Variants in MINDY4 observed in about 807,000 individuals in gnomAD.
MINDY4 encodes probable ubiquitin carboxyl-terminal hydrolase MINDY-4.
In MINDY4, 68 loss-of-function variants were observed where a neutral mutation model predicts 87.0. The observed-to-expected ratio is 0.78, with a 90% confidence interval of 0.64 to 0.96. The LOEUF (loss-of-function observed/expected upper bound fraction) is 0.96, where lower values mean the gene tolerates loss of function less well. Ranked by LOEUF, MINDY4 falls within the 40% of genes least tolerant of loss-of-function variation. The pLI, the probability that MINDY4 is intolerant of heterozygous loss-of-function variation, is 0.00. For missense variants in MINDY4, 919 were observed against 928.2 expected (o/e 0.99, Z 0.13); for synonymous variants, 379 against 363.2 (o/e 1.04, Z -0.50).
intron 5 of MINDY4, among the ~76,000 whole-genome samples, chr7:30,809,782 C>T (rs1000508930): frequency 3.7e-5 from 5 of 135,286 alleles, no homozygotes; most frequent in Non-Finnish European, 7.8e-5. Context: ...TTATCATCTT[C>T]GAAAAAAAAA....
chr7:30,809,398 G>C (rs113422257), intron 5 of MINDY4, among the ~76,000 whole-genome samples: 46 of 142,922 alleles, frequency 3.2e-4, no homozygotes, highest in African/African-American at 1.1e-3. Flanking sequence ...AAAAAAAAAG[G>C]ATGATTTAAT....
At chr7:30,834,255 C>T (rs1393345738) in intron 6 of MINDY4, among the ~76,000 whole-genome samples, 1 of 152,258 alleles carries the variant, frequency 6.6e-6, no homozygotes, top group African/African-American at 2.4e-5. Flanking sequence ...CCTCTGAAAT[C>T]TAGGCGGAGG....
chr7:30,773,884 C>T (rs1453739016), intron 1 of MINDY4, among the ~76,000 whole-genome samples: 2 of 152,196 alleles, frequency 1.3e-5, no homozygotes, highest in Non-Finnish European at 2.9e-5. Flanking sequence ...AACCCACCTA[C>T]CTCTCACCCA....
chr7:30,852,305 G>A (rs767342789), intron 11 of MINDY4, 26 bp downstream of exon 11: 36 of 1,613,574 alleles, frequency 2.2e-5, no homozygotes, highest in Admixed American at 1.7e-4. Flanking sequence ...AAATTATCAC[G>A]CAAACTTTGG....
intron 5 of MINDY4, among the ~76,000 whole-genome samples, chr7:30,804,133 G>C (rs1295490328): frequency 6.6e-6 from 1 of 151,748 alleles, no homozygotes; most frequent in Non-Finnish European, 1.5e-5. Context: ...GATGGCCCCT[G>C]ATGCTGAGTT....
chr7:30,820,230 T>C (rs1384701306), intron 5 of MINDY4, among the ~76,000 whole-genome samples: 1 of 152,194 alleles, frequency 6.6e-6, no homozygotes, highest in African/African-American at 2.4e-5. Context: ...ATTCAATCTG[T>C]GTCTCTTTTA....
chr7:30,804,272 C>G (rs1184851060), intron 5 of MINDY4, among the ~76,000 whole-genome samples: 1 of 152,226 alleles, frequency 6.6e-6, no homozygotes, highest in Non-Finnish European at 1.5e-5. Flanking sequence ...TCTACTCATT[C>G]CACAAGAAGT....
In MINDY4 at chr7:30,882,381, C is replaced by G. The variant is rs368368484; in HGVS notation, c.2152+20C>G. On this transcript the variant is annotated intron_variant, in intron 16 of 17. Coordinates refer to ENST00000265299, the MANE Select transcript of MINDY4 (RefSeq NM_032222.3). ...CCATTGGTGCGGGCCCTCACCCCCC[C>G]ACCCACCCAACCCTGTCCCCAAGGA... 8.1e-6 allele frequency: 12 copies of G among 1,479,616 alleles called. No homozygotes were observed. In the East Asian group the frequency reaches 1.8e-4, roughly 22 times the overall value. 91.7% of individuals were successfully genotyped at this position (1,479,616 alleles called of 1,614,324 possible).
chr7:30,834,156 C>G (rs1271278034), intron 6 of MINDY4, among the ~76,000 whole-genome samples: 1 of 152,268 alleles, frequency 6.6e-6, no homozygotes, highest in East Asian at 1.9e-4. Flanking sequence ...CCCCACATTT[C>G]CTTTCTGCAC....
intron 5 of MINDY4, among the ~76,000 whole-genome samples, chr7:30,821,694 T>C (rs1182380502): frequency 2.0e-5 from 3 of 152,224 alleles, no homozygotes; most frequent in African/African-American, 7.2e-5. Flanking sequence ...TTCTTTTATA[T>C]GTATGTTGGA....
intron 5 of MINDY4, among the ~76,000 whole-genome samples, chr7:30,813,361 T>C (rs1263818961): frequency 6.6e-6 from 1 of 152,198 alleles, no homozygotes; most frequent in Non-Finnish European, 1.5e-5. Flanking sequence ...GGTCCTGAAT[T>C]CTGTGTGAGG....
Position 30,840,760 on chromosome 7 carries a change from G to C in MINDY4, c.1357G>C (p.Gly453Arg). 1 of 1,613,896 alleles carries C rather than the reference G, an allele frequency of 6.2e-7. No individual in the cohort carries two copies. ...GCAGCAATGGTCTCATTCTTTGCAG[G>C]GTGGTCCTTGCGGAGTCCTGGCAGC... is the stretch of plus-strand genomic sequence containing the variant. ...SLKYGIVQNK[G>R]GPCGVLAAVQ... Residue 453 changes from glycine (G) to arginine (R), a missense_variant and splice_region_variant, in exon 9 of 18, where the codon GGT (glycine) becomes CGT (arginine). Physicochemically the swap from Gly to Arg is moderately radical, Grantham distance 125. Coordinates refer to ENST00000265299, the MANE Select transcript of MINDY4 (RefSeq NM_032222.3).
chr7:30,859,340 C>G lies in MINDY4; in HGVS notation c.1745+16C>G, dbSNP rs771791805. On this transcript the variant is annotated intron_variant, in intron 13 of 17. Transcript: ENST00000265299. Reference sequence around the variant, plus strand: ...CTACAGAGCTGTGAGTATCTTTCTCCCTCAACTCCCTGGGGCTGGGCTGGT... The same window carrying G: ...CTACAGAGCTGTGAGTATCTTTCTCGCTCAACTCCCTGGGGCTGGGCTGGT... 1 of 1,612,720 alleles carries G rather than the reference C, an allele frequency of 6.2e-7. No individual in the cohort carries two copies. The highest frequency in any genetic ancestry group is 8.5e-7 in the Non-Finnish European group (1 of 1,178,918).
chr7:30,890,826 G>A (rs1790774300), intron 17 of MINDY4, among the ~76,000 whole-genome samples: 1 of 152,144 alleles, frequency 6.6e-6, no homozygotes, highest in African/African-American at 2.4e-5. Flanking sequence ...ACCATTGACT[G>A]AAACCTCTTG....
chr7:30,871,182 C>T (rs1695130970), intron 13 of MINDY4, among the ~76,000 whole-genome samples: 1 of 152,186 alleles, frequency 6.6e-6, no homozygotes, highest in Non-Finnish European at 1.5e-5. Context: ...GACCTGGGAC[C>T]CAGGCTCCCT....
chr7:30,771,418 T>C lies in MINDY4; in HGVS notation c.-76T>C, dbSNP rs1786626776. ...CGCCGTCGCCACGGCAACGCGGCCA[T>C]ACTGCGCCGGACAGACCCAGTTGCC... On this transcript the variant is annotated 5_prime_UTR_variant, in exon 1 of 18. Coordinates refer to ENST00000265299, the MANE Select transcript of MINDY4 (RefSeq NM_032222.3). 1.4e-6 allele frequency: 2 copies of C among 1,432,854 alleles called. No individual in the cohort carries two copies. Among genetic ancestry groups the C allele is most frequent in the South Asian group, 1.3e-5 (1 of 78,234 alleles). 88.8% of individuals were successfully genotyped at this position (1,432,854 alleles called of 1,614,324 possible). A position where few individuals can be genotyped will look rare whatever the true frequency, so the allele number is the denominator to read the frequency against.
chr7:30,773,544 G>A (rs1202839455), intron 1 of MINDY4, among the ~76,000 whole-genome samples: 1 of 152,134 alleles, frequency 6.6e-6, no homozygotes, highest in Non-Finnish European at 1.5e-5. Context: ...AACTCACCAA[G>A]TGTGGTCTTC....
At chr7:30,794,585 T>G (rs913273283) in intron 5 of MINDY4, among the ~76,000 whole-genome samples, 11 of 152,202 alleles carry the variant, frequency 7.2e-5, no homozygotes, top group African/African-American at 2.4e-4. Flanking sequence ...CAGGCCCTCC[T>G]AACTCTGACA....
chr7:30,891,353 A>T (rs1790787583), intron 17 of MINDY4, among the ~76,000 whole-genome samples: 1 of 152,238 alleles, frequency 6.6e-6, no homozygotes, highest in Non-Finnish European at 1.5e-5. Flanking sequence ...ACTGTTATTC[A>T]GTTGTCTCTA....
Sources: gnomAD v4.1 joint callset for allele counts (sites outside exome capture counted in the v4.1 genomes callset) on GRCh38, gnomAD v4.1.1 for gene constraint, MANE v1.5 for transcripts, NCBI Gene and HGNC (gene_info 2026-07-23, HGNC 2026-07-21) for gene names.